EFHC1: variants seen among roughly 807,000 people sequenced by gnomAD.
EFHC1 encodes the protein EF-hand domain-containing protein 1.
EFHC1 carries 53 observed loss-of-function variants against 69.9 expected under a neutral mutation model. The observed-to-expected ratio is 0.76, with a 90% CI of 0.61 to 0.95. The LOEUF (loss-of-function observed/expected upper bound fraction) is 0.95. EFHC1 is among the 40% of genes least tolerant of loss of function. The pLI is 0.00. For synonymous variants in EFHC1, 256 were observed against 278.4 expected, an observed-to-expected ratio of 0.92 and a Z score of 0.80; for missense variants, 739 against 798.7, an observed-to-expected ratio of 0.93 and a Z score of 0.90.
intron 7 of EFHC1, among the ~76,000 whole-genome samples, chr6:52,476,326 T>G (rs1201479663): frequency 1.3e-5 from 2 of 152,202 alleles, no homozygotes; most frequent in African/African-American, 4.8e-5. Context: ...CAGTAGAATT[T>G]CAGTTAATTA....
At chr6:52,425,493 G>A (rs779905205) in intron 2 of EFHC1, among the ~76,000 whole-genome samples, 5 of 151,996 alleles carry the variant, frequency 3.3e-5, no homozygotes, top group South Asian at 2.1e-4. Flanking sequence ...GAGAAATTGC[G>A]CTTGAGTAGG....
At chr6:52,464,783 A>T in intron 5 of EFHC1, 112 bp from the exon 6 acceptor site, 1 of 871,572 alleles carries the variant, frequency 1.1e-6, no homozygotes, top group Admixed American at 2.0e-5. Context: ...TCTTGACCAG[A>T]GCAAAAGACT....
intron 2 of EFHC1, 114 bp downstream of exon 2, chr6:52,424,281 G>T: frequency 9.9e-7 from 1 of 1,006,966 alleles, no homozygotes. Flanking sequence ...GGAGAAAATT[G>T]TTCAGATGCC....
rs200116252 is a variant in EFHC1 at position 52,479,143 on chromosome 6, T to C, written c.1385T>C (p.Ile462Thr). 162 of 1,614,124 alleles carry C rather than the reference T, an allele frequency of 1.0e-4. No individual in the cohort carries two copies. The Middle Eastern group carries it at 1.7e-3, about 16-fold the overall frequency. The change falls in exon 8 of 11, where the codon ATT becomes ACT. Residue 462 changes from isoleucine (I) to threonine (T), a missense_variant. Coordinates refer to ENST00000371068, the MANE Select transcript of EFHC1 (RefSeq NM_018100.4). ...FEPPVRNSGI[I>T]GGKYLGRTKV... ...CCTCCTGTTCGCAATTCTGGTATCATTGGGGGCAAGTACCTTGGCAGGACT... is the reference window on the plus strand; with the variant it reads ...CCTCCTGTTCGCAATTCTGGTATCACTGGGGGCAAGTACCTTGGCAGGACT...
intron 2 of EFHC1, among the ~76,000 whole-genome samples, chr6:52,434,336 A>G (rs1011440853): frequency 6.6e-6 from 1 of 152,148 alleles, no homozygotes; most frequent in Non-Finnish European, 1.5e-5. Context: ...AGGGGACCCC[A>G]GGGAGACCAT....
chr6:52,435,531 C>CA (rs995746896), intron 2 of EFHC1, among the ~76,000 whole-genome samples: 3 of 152,210 alleles, frequency 2.0e-5, no homozygotes, highest in African/African-American at 7.2e-5. Flanking sequence ...ACTATATCGC[C>CA]AGCACTGGGT....
intron 7 of EFHC1, 138 bp downstream of exon 7, chr6:52,469,611 G>A: frequency 1.0e-5 from 13 of 1,252,030 alleles, no homozygotes; most frequent in Non-Finnish European, 1.5e-5. Flanking sequence ...CTAGTACCCA[G>A]CCTTCAGGGA....
chr6:52,455,451 G>A lies in EFHC1; in HGVS notation c.916+1164G>A, dbSNP rs1765022865. 2.6e-5 allele frequency among the ~76,000 whole-genome samples: 4 copies of A among 152,144 alleles called. 1 individual carries two copies. The South Asian group carries it at 8.3e-4, about 32-fold the overall frequency. On this transcript the variant is annotated intron_variant, in intron 5 of 10. Coordinates refer to ENST00000371068, the MANE Select transcript of EFHC1 (RefSeq NM_018100.4). ...AGGTGGATCATGAAGTCAGGAGATC[G>A]AGACCATTCTAGCTAACATGGTGAA...
intron 7 of EFHC1, among the ~76,000 whole-genome samples, chr6:52,475,532 AATCTT>A (rs1224531420): frequency 6.6e-6 from 1 of 152,338 alleles, no homozygotes; most frequent in East Asian, 1.9e-4. Flanking sequence ...TTTGAACCAT[AATCTT>A]CAAAGCAGCT....
chr6:52,421,036 G>T (rs1179451740), intron 1 of EFHC1: 2 of 1,002,260 alleles, frequency 2.0e-6, no homozygotes, highest in African/African-American at 1.7e-5. Flanking sequence ...TGTTTTGTAT[G>T]TATATCGATT....
Position 52,494,460 on chromosome 6 carries a change from G to A in EFHC1, c.*2119G>A, listed in dbSNP as rs190998325. ...CTAGCCCATGTAGGCTCTGGGAAAG[G>A]TTAAGCGGGTAGAAACCAGAGAAAA... is the stretch of plus-strand genomic sequence containing the variant. On this transcript the variant is annotated 3_prime_UTR_variant, in exon 11 of 11. Transcript: ENST00000371068. 1,319 of 454,120 alleles carry A rather than the reference G, an allele frequency of 2.9e-3. 1 individual carries two copies. Among genetic ancestry groups the A allele is most frequent in the Non-Finnish European group, 4.4e-3 (1,000 of 226,804 alleles). 28.1% of individuals were successfully genotyped at this position (454,120 alleles called of 1,614,324 possible). A position where few individuals can be genotyped will look rare whatever the true frequency, so the allele number is the denominator to read the frequency against.
In EFHC1 at chr6:52,423,968, A is replaced by G; in HGVS notation, c.86A>G (p.Gln29Arg). The G allele has an allele frequency of 6.2e-7, 1 of 1,614,194 alleles. No homozygotes were observed. Among genetic ancestry groups the G allele is most frequent in the South Asian group, 1.1e-5 (1 of 91,082 alleles). The change falls in exon 2 of 11, where the codon CAG (glutamine) becomes CGG (arginine). Residue 29 changes from glutamine (Q) to arginine (R), a missense_variant. Coordinates refer to ENST00000371068, the MANE Select transcript of EFHC1 (RefSeq NM_018100.4). ...DSTKTAFHRS[Q>R]TLSYRNGYAI... is the part of the protein sequence containing the mutation. ...CAGAAAACAGCCTTCCACAGAAGTC[A>G]GACGCTGAGCTACAGGAACGGCTAT...
chr6:52,491,654 C>T (rs9395797), intron 10 of EFHC1, among the ~76,000 whole-genome samples: 1,655 of 152,200 alleles, frequency 0.011, 21 homozygotes, highest in South Asian at 0.073. Context: ...ACCGTCATTA[C>T]GAGAGTTAAC....
intron 7 of EFHC1, 78 bp downstream of exon 7, chr6:52,469,551 G>T: frequency 6.3e-7 from 1 of 1,585,966 alleles, no homozygotes; most frequent in Non-Finnish European, 8.6e-7. Flanking sequence ...TCTGTAAGCT[G>T]TAGATTAACA....
At chr6:52,462,017 C>T (rs1765178605) in intron 5 of EFHC1, among the ~76,000 whole-genome samples, 1 of 151,968 alleles carries the variant, frequency 6.6e-6, no homozygotes, top group Non-Finnish European at 1.5e-5. Flanking sequence ...TAAAACATTT[C>T]TTTCAATAGT....
In EFHC1 at chr6:52,494,427, T is replaced by G. The variant is rs1765994284; in HGVS notation, c.*2086T>G. ...TCCCTTTGTTCCTATTCAGCCATGC[T>G]GCTGTTTCTAGCCCATGTAGGCTCT... On this transcript the variant is annotated 3_prime_UTR_variant, in exon 11 of 11. Coordinates refer to ENST00000371068, the MANE Select transcript of EFHC1 (RefSeq NM_018100.4). 2.2e-6 allele frequency: 1 copy of G among 454,076 alleles called. No individual in the cohort carries two copies. Among genetic ancestry groups the G allele is most frequent in the Non-Finnish European group, 4.4e-6 (1 of 226,816 alleles). The allele number at this position is 454,076 out of a possible 1,614,324, so 28.1% of individuals were successfully genotyped here.
At chr6:52,484,270 T>G (rs1765741249) in intron 9 of EFHC1, 1 of 152,176 alleles carries the variant, frequency 6.6e-6, no homozygotes, top group South Asian at 2.1e-4. Context: ...CCCTTAAAAA[T>G]TATTGAGGGC....
In EFHC1 at chr6:52,496,747, G is replaced by A. The variant is rs1486995689; in HGVS notation, c.*4406G>A. 6.6e-6 allele frequency: 1 copy of A among 152,140 alleles called. No individual in the cohort carries two copies. Among genetic ancestry groups the A allele is most frequent in the Non-Finnish European group, 1.5e-5 (1 of 68,022 alleles). The allele number at this position is 152,140 out of a possible 1,614,324, so 9.4% of individuals were successfully genotyped here. A position where few individuals can be genotyped will look rare whatever the true frequency, so the allele number is the denominator to read the frequency against. ...CACCTAGCTTCTCATGGCAGAGCAG[G>A]ACCCAACTCTACAATGAAGCTTGCC... On this transcript the variant is annotated 3_prime_UTR_variant, in exon 11 of 11. Coordinates refer to ENST00000371068, the MANE Select transcript of EFHC1 (RefSeq NM_018100.4).
At position 52,442,903 on chromosome 6, in the gene EFHC1, T is replaced by G. The variant is rs186898312; in HGVS notation, c.573+4312T>G. 1.3e-3 allele frequency among the ~76,000 whole-genome samples: 194 copies of G among 152,274 alleles called. 1 individual carries two copies. Among genetic ancestry groups the G allele is most frequent in the African/African-American group, 4.5e-3 (185 of 41,560 alleles). On this transcript the variant is annotated intron_variant, in intron 3 of 10. Coordinates refer to ENST00000371068, the MANE Select transcript of EFHC1 (RefSeq NM_018100.4). The stretch of plus-strand genomic sequence containing the variant: ...TCCACAATGGTTGAATTAGTTTACA[T>G]TCCCACCAACAGTGTAAAAGCATTC...
Sources: allele counts gnomAD v4.1 joint callset (sites outside exome capture counted in the v4.1 genomes callset), GRCh38; gene constraint gnomAD v4.1.1; transcripts MANE v1.5; gene names NCBI Gene and HGNC (gene_info 2026-07-23, HGNC 2026-07-21).